Variants in ARHGAP31 observed in about 807,000 individuals in gnomAD.
The protein encoded by ARHGAP31 is Rho GTPase activating protein 31.
A neutral mutation model predicts 113.9 loss-of-function variants in ARHGAP31; 34 were observed. That is an observed-to-expected ratio of 0.30 (90% CI 0.23 to 0.40). The LOEUF (loss-of-function observed/expected upper bound fraction) is 0.40. Among genes scored for constraint, ARHGAP31 ranks in the 10% least tolerant of loss-of-function variants. The pLI, the probability that ARHGAP31 is intolerant of heterozygous loss-of-function variation, is 1.00. For missense variants in ARHGAP31, 1,548 were observed against 1,767.1 expected, an observed-to-expected ratio of 0.88 and a Z score of 2.22; for synonymous variants, 650 against 684.8, an observed-to-expected ratio of 0.95 and a Z score of 0.79.
intron 1 of ARHGAP31, among the ~76,000 whole-genome samples, chr3:119,326,457 G>A (rs7611832): frequency 0.38 from 56,940 of 151,510 alleles, 10,894 homozygotes; most frequent in Non-Finnish European, 0.41. Context: ...TTTGGACATT[G>A]TGTAAGATCT....
rs1180963108 is a variant in ARHGAP31, at chr3:119,380,857, C to G, written c.349-47C>G. Reference sequence around the variant, plus strand: ...GATCCCAGCACATGCAGATGGCTGTCCCTGCTCTCAAGCACTCACCAGGCT... The same window carrying G: ...GATCCCAGCACATGCAGATGGCTGTGCCTGCTCTCAAGCACTCACCAGGCT... On this transcript the variant is annotated intron_variant, in intron 3 of 11. Coordinates refer to ENST00000264245, the MANE Select transcript of ARHGAP31 (RefSeq NM_020754.4). 2.0e-6 allele frequency: 3 copies of G among 1,529,498 alleles called. No homozygotes were observed. In the African/African-American group the frequency reaches 4.1e-5, roughly 21 times the overall value. 94.7% of individuals were successfully genotyped at this position (1,529,498 alleles called of 1,614,324 possible). A position where few individuals can be genotyped will look rare whatever the true frequency, so the allele number is the denominator to read the frequency against.
chr3:119,403,560 G>A (rs187727596), intron 10 of ARHGAP31, among the ~76,000 whole-genome samples: 115 of 152,312 alleles, frequency 7.6e-4, no homozygotes, highest in African/African-American at 2.6e-3. Flanking sequence ...TATGGAAGCA[G>A]CATAAGAGCC....
At chr3:119,331,581 T>C (rs921290663) in intron 1 of ARHGAP31, among the ~76,000 whole-genome samples, 1 of 152,106 alleles carries the variant, frequency 6.6e-6, no homozygotes, top group Non-Finnish European at 1.5e-5. Context: ...TTGACTAGAA[T>C]GAAAATCATC....
At chr3:119,297,615 T>C (rs57826505) in intron 1 of ARHGAP31, among the ~76,000 whole-genome samples, 4,494 of 152,098 alleles carry the variant, frequency 0.03, 207 homozygotes, top group African/African-American at 0.1. Context: ...AAGCCTTGAG[T>C]TGGAGTGGAG....
chr3:119,312,428 G>A lies in ARHGAP31; in HGVS notation c.100+17424G>A, dbSNP rs553137175. ...AACTTTGTAATGTTCCTTCTCACCC[G>A]CCTCCTGGTCACGCTTCTACTCCAT... On this transcript the variant is annotated intron_variant, in intron 1 of 11. Transcript: ENST00000264245. 9.2e-5 allele frequency among the ~76,000 whole-genome samples: 14 copies of A among 152,114 alleles called. No homozygotes were observed. The South Asian group carries it at 2.5e-3, about 27-fold the overall frequency.
chr3:119,368,227 G>A, intron 2 of ARHGAP31, 145 bp from the exon 3 acceptor site: 4 of 1,043,888 alleles, frequency 3.8e-6, no homozygotes, highest in South Asian at 1.4e-5. Context: ...CCTAGGGCCT[G>A]GAGTAGAAGA....
At chr3:119,411,198 C>A (rs1344233436) in intron 11 of ARHGAP31, among the ~76,000 whole-genome samples, 1 of 152,066 alleles carries the variant, frequency 6.6e-6, no homozygotes, top group Non-Finnish European at 1.5e-5. Context: ...TGGGGTTTAA[C>A]CTAAGGGCAA....
intron 1 of ARHGAP31, among the ~76,000 whole-genome samples, chr3:119,313,166 TAA>T (rs1197729014): frequency 2.6e-5 from 4 of 152,150 alleles, no homozygotes; most frequent in Non-Finnish European, 5.9e-5. Flanking sequence ...GTTTAAAATG[TAA>T]AAGACTCTAA....
chr3:119,330,973 A>G (rs772655164), intron 1 of ARHGAP31, among the ~76,000 whole-genome samples: 1 of 152,164 alleles, frequency 6.6e-6, no homozygotes, highest in Non-Finnish European at 1.5e-5. Context: ...CTCCTTATCA[A>G]TGGCTCCTTC....
intron 10 of ARHGAP31, among the ~76,000 whole-genome samples, chr3:119,402,710 T>C (rs2080623671): frequency 6.6e-6 from 1 of 152,226 alleles, no homozygotes; most frequent in African/African-American, 2.4e-5. Context: ...ACAATAAGTA[T>C]ATAATAAATA....
intron 3 of ARHGAP31, among the ~76,000 whole-genome samples, chr3:119,370,574 A>G (rs1428447434): frequency 1.3e-5 from 2 of 152,144 alleles, no homozygotes; most frequent in African/African-American, 4.8e-5. Flanking sequence ...ATAGATGTTA[A>G]CAGATCTCAA....
At chr3:119,303,550 T>G (rs2079602996) in intron 1 of ARHGAP31, among the ~76,000 whole-genome samples, 1 of 152,192 alleles carries the variant, frequency 6.6e-6, no homozygotes, top group Non-Finnish European at 1.5e-5. Context: ...GGCCTGATGC[T>G]GGCCCAGAAT....
intron 1 of ARHGAP31, among the ~76,000 whole-genome samples, chr3:119,330,338 A>G (rs545386219): frequency 2.0e-4 from 30 of 152,346 alleles, no homozygotes; most frequent in South Asian, 8.3e-4. Flanking sequence ...TGCGGGCATC[A>G]TAGGAAAAAC....
chr3:119,341,048 C>T (rs754568166), intron 1 of ARHGAP31, among the ~76,000 whole-genome samples: 3 of 152,026 alleles, frequency 2.0e-5, no homozygotes, highest in Non-Finnish European at 4.4e-5. Flanking sequence ...GGAGCCTGTA[C>T]AGAGAAGGTA....
At chr3:119,392,597 G>A (rs2080514414) in intron 7 of ARHGAP31, among the ~76,000 whole-genome samples, 1 of 152,230 alleles carries the variant, frequency 6.6e-6, no homozygotes, top group Non-Finnish European at 1.5e-5. Context: ...CAGAGCCACA[G>A]CAGGGCAAGG....
At chr3:119,407,104 G>A (rs1240211582) in intron 10 of ARHGAP31, among the ~76,000 whole-genome samples, 1 of 152,078 alleles carries the variant, frequency 6.6e-6, no homozygotes, top group Non-Finnish European at 1.5e-5. Context: ...CCAGCACTTT[G>A]GGAGGCCGGG....
rs759091403 is a variant in ARHGAP31 at position 119,333,183 on chromosome 3, AC to A, written c.101-32131del. On this transcript the variant is annotated intron_variant, in intron 1 of 11. Coordinates refer to ENST00000264245, the MANE Select transcript of ARHGAP31 (RefSeq NM_020754.4). ...AGCCCAACCCAGCATTCTGGGTTGA[AC>A]CAGGCATGTTTGTTGGAAAGAAATA... Among the ~76,000 whole-genome samples the A allele has an allele frequency of 2.0e-5, 3 of 152,192 alleles. No homozygotes were observed. In the East Asian group the frequency reaches 5.8e-4, roughly 29 times the overall value.
intron 1 of ARHGAP31, among the ~76,000 whole-genome samples, chr3:119,337,823 C>T (rs558077473): frequency 9.6e-4 from 147 of 152,332 alleles, no homozygotes; most frequent in Non-Finnish European, 1.7e-3. Flanking sequence ...AAACCTTTAG[C>T]TAGACACAGA....
intron 1 of ARHGAP31, among the ~76,000 whole-genome samples, chr3:119,321,731 C>T (rs115468970): frequency 2.6e-4 from 40 of 152,316 alleles, no homozygotes; most frequent in African/African-American, 9.6e-4. Flanking sequence ...TCATTGAAGC[C>T]TCTACCTCTC....
Sources: gnomAD v4.1 joint callset for allele counts (sites outside exome capture counted in the v4.1 genomes callset) on GRCh38, gnomAD v4.1.1 for gene constraint, MANE v1.5 for transcripts, NCBI Gene and HGNC (gene_info 2026-07-23, HGNC 2026-07-21) for gene names.